The following CCSER1 variants were observed in gnomAD, a reference collection of about 807,000 sequenced individuals.
CCSER1 encodes serine-rich coiled-coil domain-containing protein 1.
CCSER1 carries 41 observed loss-of-function variants against 82.0 expected under a neutral mutation model. That is an observed-to-expected ratio of 0.50 (90% CI 0.39 to 0.65). CCSER1 has a LOEUF of 0.65. CCSER1 is among the 30% of genes least tolerant of loss of function. The pLI is 0.00. For synonymous variants in CCSER1, 414 were observed against 383.9 expected (o/e 1.08, Z -0.92); for missense variants, 1,119 against 1,064.2 (o/e 1.05, Z -0.72).
At chr4:90,470,809 G>A (rs1764295840) in intron 5 of CCSER1, among the ~76,000 whole-genome samples, 2 of 149,086 alleles carry the variant, frequency 1.3e-5, no homozygotes, top group Admixed American at 6.7e-5. Context: ...AGTGTCATTG[G>A]ATTGGCTTTG....
chr4:90,934,705 G>A (rs1730703012), intron 9 of CCSER1, among the ~76,000 whole-genome samples: 1 of 152,210 alleles, frequency 6.6e-6, no homozygotes, highest in African/African-American at 2.4e-5. Context: ...GCCAAGGCGG[G>A]TGGATCAGGT....
intron 10 of CCSER1, among the ~76,000 whole-genome samples, chr4:91,426,725 T>G (rs1260954180): frequency 6.6e-6 from 1 of 152,184 alleles, no homozygotes; most frequent in African/African-American, 2.4e-5. Flanking sequence ...GATTTGTGTG[T>G]TTGCATATTT....
chr4:90,608,673 T>C (rs1043002049), intron 5 of CCSER1, among the ~76,000 whole-genome samples: 1 of 152,138 alleles, frequency 6.6e-6, no homozygotes, highest in African/African-American at 2.4e-5. Context: ...TAATGTAAAA[T>C]TACACAAATA....
intron 5 of CCSER1, among the ~76,000 whole-genome samples, chr4:90,470,598 CTCTA>C (rs1356104365): frequency 1.3e-4 from 20 of 152,018 alleles, no homozygotes; most frequent in Admixed American, 1.3e-3. Context: ...GGGTCATTCT[CTCTA>C]TCTACATGTT....
intron 10 of CCSER1, among the ~76,000 whole-genome samples, chr4:91,542,113 A>G (rs1761631160): frequency 6.6e-6 from 1 of 152,160 alleles, no homozygotes. Flanking sequence ...AGTTCTTTGT[A>G]GATTCTGGAT....
At chr4:91,217,002 C>A (rs1178600614) in intron 10 of CCSER1, among the ~76,000 whole-genome samples, 1 of 152,092 alleles carries the variant, frequency 6.6e-6, no homozygotes, top group African/African-American at 2.4e-5. Context: ...CGCGGACCCT[C>A]GCGGTGAGTG....
intron 10 of CCSER1, among the ~76,000 whole-genome samples, chr4:91,424,192 T>A (rs963852196): frequency 6.6e-6 from 1 of 150,634 alleles, no homozygotes; most frequent in Admixed American, 6.6e-5. Context: ...AATTTTTTTG[T>A]ATTTTTAGTA....
chr4:90,372,857 G>C (rs992899828), intron 3 of CCSER1, among the ~76,000 whole-genome samples: 3 of 151,938 alleles, frequency 2.0e-5, no homozygotes, highest in South Asian at 2.1e-4. Flanking sequence ...AAGTGATTAT[G>C]ATTTTTTTCA....
chr4:90,432,368 T>C (rs933593436), intron 4 of CCSER1, among the ~76,000 whole-genome samples: 5 of 152,198 alleles, frequency 3.3e-5, no homozygotes, highest in East Asian at 1.9e-4. Flanking sequence ...CAGGCTCTTA[T>C]GTCAGCCACA....
At chr4:91,502,902 C>A (rs1367704680) in intron 10 of CCSER1, among the ~76,000 whole-genome samples, 8 of 152,040 alleles carry the variant, frequency 5.3e-5, no homozygotes, top group Non-Finnish European at 1.2e-4. Context: ...CCGTCATTGG[C>A]CATGCTTTTA....
At chr4:90,323,071 G>T (rs1203624837) in intron 3 of CCSER1, among the ~76,000 whole-genome samples, 1 of 152,182 alleles carries the variant, frequency 6.6e-6, no homozygotes, top group East Asian at 1.9e-4. Flanking sequence ...CTGGGGTCTA[G>T]AATCAGTGGC....
At chr4:90,806,408 G>C (rs1757516567) in intron 7 of CCSER1, among the ~76,000 whole-genome samples, 1 of 152,046 alleles carries the variant, frequency 6.6e-6, no homozygotes, top group East Asian at 1.9e-4. Context: ...GCAGTTCCTA[G>C]TAGCCACAAT....
intron 6 of CCSER1, among the ~76,000 whole-genome samples, chr4:90,699,431 A>C (rs1405024593): frequency 1.3e-5 from 2 of 152,168 alleles, no homozygotes; most frequent in Non-Finnish European, 2.9e-5. Context: ...AGCAATGTTA[A>C]TGGGCAGTTG....
At chr4:90,601,517 A>C (rs887083526) in intron 5 of CCSER1, among the ~76,000 whole-genome samples, 1 of 152,132 alleles carries the variant, frequency 6.6e-6, no homozygotes, top group African/African-American at 2.4e-5. Context: ...TGAAGCCAAA[A>C]GTTACATTTA....
chr4:91,438,235 G>C (rs1488536149), intron 10 of CCSER1, among the ~76,000 whole-genome samples: 1 of 152,218 alleles, frequency 6.6e-6, no homozygotes, highest in Non-Finnish European at 1.5e-5. Flanking sequence ...GCACCCCCCA[G>C]TAGGGGCAGA....
intron 10 of CCSER1, among the ~76,000 whole-genome samples, chr4:91,245,904 C>T (rs866339300): frequency 6.6e-5 from 10 of 152,282 alleles, no homozygotes; most frequent in Middle Eastern, 3.4e-3. Context: ...TCATGTTGGT[C>T]AGGCTGGTCT....
In CCSER1 at chr4:90,923,951, C is replaced by T. The variant is rs758105245; in HGVS notation, c.2172+504C>T. 3.3e-5 allele frequency among the ~76,000 whole-genome samples: 5 copies of T among 152,024 alleles called. No individual in the cohort carries two copies. In the South Asian group the frequency reaches 1.0e-3, roughly 32 times the overall value. On this transcript the variant is annotated intron_variant, in intron 9 of 10. Transcript: ENST00000509176. ...AATTGAAAGTATTTTTCTGTTAGTG[C>T]GAAATACTTGTTGAACTGTCAAAAT...
At chr4:91,424,099 C>A (rs1334252822) in intron 10 of CCSER1, among the ~76,000 whole-genome samples, 1 of 136,054 alleles carries the variant, frequency 7.4e-6, no homozygotes. Context: ...TCACTGCAAG[C>A]TCCGCTTCCC....
At chr4:90,135,936 T>C (rs752696817) in intron 1 of CCSER1, among the ~76,000 whole-genome samples, 5 of 152,234 alleles carry the variant, frequency 3.3e-5, no homozygotes, top group African/African-American at 9.6e-5. Context: ...CTGTATCTTA[T>C]TTGGTGTCCA....
Sources: allele counts gnomAD v4.1 joint callset (sites outside exome capture counted in the v4.1 genomes callset), GRCh38; gene constraint gnomAD v4.1.1; transcripts MANE v1.5; gene names NCBI Gene and HGNC (gene_info 2026-07-23, HGNC 2026-07-21).